Variants in MAMSTR observed in about 807,000 individuals in gnomAD.
MAMSTR encodes the protein MEF2-activating motif and SAP domain-containing transcriptional regulator.
A neutral mutation model predicts 42.7 loss-of-function variants in MAMSTR; 41 were observed. The observed-to-expected ratio is 0.96, with a 90% CI of 0.75 to 1.25. MAMSTR has a LOEUF of 1.25. Ranked by LOEUF, MAMSTR falls within the 50% of genes most tolerant of loss-of-function variation. The pLI, the probability that MAMSTR is intolerant of heterozygous loss-of-function variation, is 0.00. For synonymous variants in MAMSTR, 265 were observed against 244.1 expected (o/e 1.09, Z -0.80); for missense variants, 567 against 557.6 (o/e 1.02, Z -0.17).
intron 4 of MAMSTR, 89 bp downstream of exon 4, chr19:48,715,536 G>T: frequency 2.0e-6 from 3 of 1,474,432 alleles, no homozygotes; most frequent in Non-Finnish European, 2.7e-6. Flanking sequence ...TCAGCTCGGT[G>T]CCACCGAAGA....
chr19:48,714,173 C>T, intron 7 of MAMSTR, 128 bp from the exon 8 acceptor site: 1 of 1,128,218 alleles, frequency 8.9e-7, no homozygotes, highest in Non-Finnish European at 1.2e-6. Context: ...TTTGGCCTCG[C>T]CCCCTATTCT....
At chr19:48,706,940 T>C in the MAMSTR span, among the ~76,000 whole-genome samples, 3 of 151,116 alleles carry the variant, frequency 2.0e-5, no homozygotes, top group Non-Finnish European at 4.4e-5. Flanking sequence ...CTACAAAAAA[T>C]AAAAAACTAA....
downstream of MAMSTR, among the ~76,000 whole-genome samples, chr19:48,710,972 G>A (rs1179778214): frequency 6.6e-6 from 1 of 152,112 alleles, no homozygotes; most frequent in African/African-American, 2.4e-5. Context: ...GAGGTTCCTG[G>A]GAGTTTATGT....
Position 48,713,116 on chromosome 19 carries a change from T to C in MAMSTR, c.*151A>G, listed in dbSNP as rs2032781789. 1 of 686,310 alleles carries C rather than the reference T, an allele frequency of 1.5e-6. No individual in the cohort carries two copies. Among genetic ancestry groups the C allele is most frequent in the Admixed American group, 3.5e-5 (1 of 28,332 alleles). 42.5% of individuals were successfully genotyped at this position (686,310 alleles called of 1,614,324 possible). On this transcript the variant is annotated 3_prime_UTR_variant, in exon 10 of 10. Coordinates refer to ENST00000318083, the MANE Select transcript of MAMSTR (RefSeq NM_001130915.2). Reference sequence around the variant, plus strand: ...TAGGCAAAGTTAAGGCAGTTGCATGTCAGCAGCACTTCAGGAGGCAGGTGG... The same window carrying C: ...TAGGCAAAGTTAAGGCAGTTGCATGCCAGCAGCACTTCAGGAGGCAGGTGG...
downstream of MAMSTR, among the ~76,000 whole-genome samples, chr19:48,707,855 G>GAAAGA (rs1555755179): frequency 1.0e-5 from 1 of 99,540 alleles, no homozygotes; most frequent in Non-Finnish European, 2.2e-5. Context: ...AAGAAAGAAA[G>GAAAGA]AAAGAAAGAA....
At chr19:48,707,893 A>G (rs1375546419), downstream of MAMSTR, among the ~76,000 whole-genome samples, 2 of 123,610 alleles carry the variant, frequency 1.6e-5, no homozygotes, top group Non-Finnish European at 3.5e-5. Flanking sequence ...GAAAGAAAAG[A>G]AAGAAAGAAA....
chr19:48,707,749 G>GAGAAAAGAGAGAA (rs2032662945), downstream of MAMSTR, among the ~76,000 whole-genome samples: 1 of 144,602 alleles, frequency 6.9e-6, no homozygotes, highest in Non-Finnish European at 1.5e-5. Context: ...GAGAGAGAGA[G>GAGAAAAGAGAGAA]AGAAAAGAGA....
downstream of MAMSTR, among the ~76,000 whole-genome samples, chr19:48,711,180 C>CACAATTAAAGAGA (rs2032718600): frequency 6.6e-6 from 1 of 152,200 alleles, no homozygotes; most frequent in African/African-American, 2.4e-5. Context: ...CAGTTTCAAG[C>CACAATTAAAGAGA]CTAGTCTTTA....
chr19:48,707,033 C>T, the MAMSTR span, among the ~76,000 whole-genome samples: 1 of 151,938 alleles, frequency 6.6e-6, no homozygotes, highest in African/African-American at 2.4e-5. Flanking sequence ...GAGTTTGGGG[C>T]TTCAGTGAGC....
intron 7 of MAMSTR, 110 bp from the exon 8 acceptor site, chr19:48,714,155 T>G: frequency 1.6e-6 from 2 of 1,258,244 alleles, no homozygotes; most frequent in Non-Finnish European, 2.1e-6. Flanking sequence ...CCCTCGCTCA[T>G]CAACCCCTTT....
At chr19:48,716,666 G>A (rs777929258) in intron 3 of MAMSTR, 39 bp downstream of exon 3, 4 of 1,332,750 alleles carry the variant, frequency 3.0e-6, no homozygotes, top group Non-Finnish European at 3.9e-6. Context: ...GTGGGGAGTG[G>A]GGGGTCACCA....
chr19:48,717,170 A>G (rs2033077328), intron 2 of MAMSTR: 1 of 168,386 alleles, frequency 5.9e-6, no homozygotes, highest in Non-Finnish European at 1.2e-5. Context: ...CTCTCCGCAT[A>G]TCCACATTTT....
intron 3 of MAMSTR, chr19:48,715,969 A>C: frequency 7.2e-7 from 1 of 1,381,416 alleles, no homozygotes; most frequent in Non-Finnish European, 9.3e-7. Flanking sequence ...CAAGTAAAGC[A>C]GGAATTTTCT....
Position 48,716,755 on chromosome 19 carries a change from G to A in MAMSTR, c.59-12C>T. On this transcript the variant is annotated splice_polypyrimidine_tract_variant and intron_variant, in intron 2 of 9. Transcript: ENST00000318083. ...CCGAAGCTGGAGGACTGTGGAGGGA[G>A]GAGGGAGGTGGGAGGAGGAAGGCGG... 1 of 1,302,842 alleles carries A rather than the reference G, an allele frequency of 7.7e-7. No individual in the cohort carries two copies. Among genetic ancestry groups the A allele is most frequent in the Non-Finnish European group, 9.9e-7 (1 of 1,014,726 alleles). The allele number at this position is 1,302,842 out of a possible 1,614,324, so 80.7% of individuals were successfully genotyped here.
rs1272768716 is a variant in MAMSTR, at chr19:48,713,143, G to A, written c.*124C>T. On this transcript the variant is annotated 3_prime_UTR_variant, in exon 10 of 10. Coordinates refer to ENST00000318083, the MANE Select transcript of MAMSTR (RefSeq NM_001130915.2). ...AGCAGCACTTCAGGAGGCAGGTGGG[G>A]TTGGAGGTTGTCTCCGATCCTGTGT... 2 of 928,480 alleles carry A rather than the reference G, an allele frequency of 2.2e-6. No individual in the cohort carries two copies. The highest frequency in any genetic ancestry group is 3.1e-6 in the Non-Finnish European group (2 of 649,554). The allele number at this position is 928,480 out of a possible 1,614,324, so 57.5% of individuals were successfully genotyped here.
Position 48,713,878 on chromosome 19 carries a change from T to C in MAMSTR, c.891A>G (p.Glu297=), listed in dbSNP as rs1396771009. 28 of 1,612,452 alleles carry C rather than the reference T, an allele frequency of 1.7e-5. No homozygotes were observed. The highest frequency in any genetic ancestry group is 2.3e-5 in the Non-Finnish European group (27 of 1,178,790). Residue 297 remains glutamate (E), a synonymous_variant, in exon 8 of 10, where the codon GAA becomes GAG. Transcript: ENST00000318083. The part of the protein sequence containing the change: ...AALTLEEELQ[E]AIRRAQLLPN... ...CTCTTACCTGCGCCCTCCGGATCGC[T>C]TCCTGCAGCTCCTCCTCCAGAGTCA... is the stretch of plus-strand genomic sequence containing the variant.
chr19:48,717,425 C>T (rs1240995861), intron 2 of MAMSTR, among the ~76,000 whole-genome samples: 1 of 151,656 alleles, frequency 6.6e-6, no homozygotes, highest in Non-Finnish European at 1.5e-5. Flanking sequence ...ATCCATCCTC[C>T]CACCTAAGTC....
chr19:48,715,090 T>C (rs888233468), intron 5 of MAMSTR, among the ~76,000 whole-genome samples, 172 bp downstream of exon 5: 3 of 151,456 alleles, frequency 2.0e-5, no homozygotes, highest in Non-Finnish European at 2.9e-5. Context: ...AACTAGGCGT[T>C]CAGACTCGGG....
chr19:48,708,431 C>T (rs1410699613), downstream of MAMSTR, among the ~76,000 whole-genome samples: 1 of 152,106 alleles, frequency 6.6e-6, no homozygotes, highest in Non-Finnish European at 1.5e-5. Context: ...AAATATCCAC[C>T]TTCTGTTGAG....
Sources: allele counts gnomAD v4.1 joint callset (sites outside exome capture counted in the v4.1 genomes callset), GRCh38; gene constraint gnomAD v4.1.1; transcripts MANE v1.5; gene names NCBI Gene and HGNC (gene_info 2026-07-23, HGNC 2026-07-21).